TAOK3: variants seen among roughly 807,000 people sequenced by gnomAD.
The protein encoded by TAOK3 is TAO kinase 3, also known as serine/threonine-protein kinase TAO3.
TAOK3 carries 40 observed loss-of-function variants against 120.4 expected under a neutral mutation model. That is an observed-to-expected ratio of 0.33 (90% confidence interval 0.26 to 0.43). The LOEUF is 0.43. Ranked by LOEUF, TAOK3 falls within the 20% of genes least tolerant of loss-of-function variation. The pLI, the probability that TAOK3 is intolerant of heterozygous loss-of-function variation, is 1.00. For synonymous variants in TAOK3, 355 were observed against 387.5 expected, an observed-to-expected ratio of 0.92 and a Z score of 0.99; for missense variants, 821 against 1,112.1, an observed-to-expected ratio of 0.74 and a Z score of 3.72.
chr12:118,339,824 G>A (rs1323922522), intron 1 of TAOK3, among the ~76,000 whole-genome samples: 1 of 152,024 alleles, frequency 6.6e-6, no homozygotes, highest in Non-Finnish European at 1.5e-5. Flanking sequence ...GTGAGCCACC[G>A]CGCCCGGCTT....
At chr12:118,169,154 C>T (rs1014667953) in intron 17 of TAOK3, among the ~76,000 whole-genome samples, 3 of 152,130 alleles carry the variant, frequency 2.0e-5, no homozygotes, top group African/African-American at 4.8e-5. Flanking sequence ...GCTGGGATTA[C>T]AGGCACCCAC....
intron 1 of TAOK3, among the ~76,000 whole-genome samples, chr12:118,366,030 T>C (rs2045732200): frequency 6.6e-6 from 1 of 152,138 alleles, no homozygotes; most frequent in African/African-American, 2.4e-5. Flanking sequence ...TTTGGGAGGC[T>C]GAAGCAGGCG....
At chr12:118,158,800 C>G (rs2035013723) in intron 19 of TAOK3, among the ~76,000 whole-genome samples, 1 of 152,176 alleles carries the variant, frequency 6.6e-6, no homozygotes, top group Admixed American at 6.5e-5. Flanking sequence ...CATTCAAACT[C>G]CTGGCTTCTG....
At chr12:118,209,981 T>G (rs77120579) in intron 11 of TAOK3, among the ~76,000 whole-genome samples, 8,135 of 152,210 alleles carry the variant, frequency 0.053, 424 homozygotes, top group East Asian at 0.23. Flanking sequence ...GGATTACAGG[T>G]GTAAGGCACT....
At chr12:118,198,552 AT>A in intron 13 of TAOK3, 1 of 166,752 alleles carries the variant, frequency 6.0e-6, no homozygotes, top group Non-Finnish European at 1.3e-5. Flanking sequence ...AGGCCCGGCT[AT>A]TTTTTGTATT....
intron 13 of TAOK3, among the ~76,000 whole-genome samples, chr12:118,197,745 T>C (rs1288098351): frequency 7.2e-6 from 1 of 139,638 alleles, no homozygotes; most frequent in Non-Finnish European, 1.5e-5. Flanking sequence ...TGGAGTGCAG[T>C]GGCGCAATCC....
At chr12:118,221,470 A>T (rs2039227471) in intron 9 of TAOK3, among the ~76,000 whole-genome samples, 1 of 151,968 alleles carries the variant, frequency 6.6e-6, no homozygotes, top group African/African-American at 2.4e-5. Context: ...CAGGTGAACC[A>T]CCTGCCTCGG....
At chr12:118,261,767 A>G (rs1291525902) in intron 2 of TAOK3, 1 of 152,248 alleles carries the variant, frequency 6.6e-6, no homozygotes, top group African/African-American at 2.4e-5. Context: ...CAACATAATC[A>G]TTGTCAAAAA....
chr12:118,369,635 C>T (rs1397345385), intron 1 of TAOK3, among the ~76,000 whole-genome samples: 2 of 152,108 alleles, frequency 1.3e-5, no homozygotes, highest in African/African-American at 4.8e-5. Context: ...TTCCACAGGC[C>T]ATTTCATACA....
intron 14 of TAOK3, among the ~76,000 whole-genome samples, chr12:118,188,954 G>A (rs979118052): frequency 2.3e-4 from 35 of 152,182 alleles, no homozygotes; most frequent in African/African-American, 7.5e-4. Flanking sequence ...GAGTGTGAGC[G>A]CGCACGCGCA....
chr12:118,329,344 C>T (rs1294164247), intron 1 of TAOK3, among the ~76,000 whole-genome samples: 2 of 152,188 alleles, frequency 1.3e-5, no homozygotes, highest in Non-Finnish European at 1.5e-5. Flanking sequence ...CATGAGAACA[C>T]ACCAGGATTT....
chr12:118,261,068 G>A (rs561926377), intron 2 of TAOK3, among the ~76,000 whole-genome samples: 21 of 152,000 alleles, frequency 1.4e-4, no homozygotes, highest in South Asian at 1.0e-3. Flanking sequence ...AGACTTTGCC[G>A]AAAAAGGGGT....
Position 118,332,975 on chromosome 12 carries a change from A to AACACACACAC in TAOK3, c.-194+39663_-194+39672dup, listed in dbSNP as rs146893418. On this transcript the variant is annotated intron_variant, in intron 1 of 20. Coordinates refer to ENST00000392533, the MANE Select transcript of TAOK3 (RefSeq NM_016281.4). ...TGTACATGCACCAAACAACAGTTTC[A>AACACACACAC]ACACACACACACACACACACAGATA... Among the ~76,000 whole-genome samples, 1,349 of 149,738 alleles carry AACACACACAC rather than the reference A, an allele frequency of 9.0e-3. 20 individuals are homozygous for AACACACACAC. The highest frequency in any genetic ancestry group is 0.023 in the African/African-American group (936 of 40,586).
At chr12:118,256,660 T>C (rs2041000540) in intron 2 of TAOK3, among the ~76,000 whole-genome samples, 1 of 152,208 alleles carries the variant, frequency 6.6e-6, no homozygotes, top group Non-Finnish European at 1.5e-5. Flanking sequence ...CAAAAGACCA[T>C]ATATTGTATG....
chr12:118,184,919 C>A (rs945744250), intron 14 of TAOK3, among the ~76,000 whole-genome samples: 2 of 152,132 alleles, frequency 1.3e-5, no homozygotes, highest in Non-Finnish European at 2.9e-5. Context: ...TCCTCAGGGT[C>A]AGAGGACTTT....
intron 14 of TAOK3, among the ~76,000 whole-genome samples, chr12:118,181,969 G>T (rs2036755169): frequency 1.3e-5 from 2 of 152,204 alleles, no homozygotes; most frequent in Admixed American, 1.3e-4. Flanking sequence ...CAGACCACTT[G>T]AGGTCAGGAG....
rs541846376 is a variant in TAOK3 at position 118,316,336 on chromosome 12, T to A, written c.-193-49577A>T. Among the ~76,000 whole-genome samples the A allele has an allele frequency of 2.0e-5, 3 of 152,300 alleles. No homozygotes were observed. The East Asian group carries it at 5.8e-4, about 29-fold the overall frequency. On this transcript the variant is annotated intron_variant, in intron 1 of 20. Transcript: ENST00000392533. Reference sequence around the variant, plus strand: ...TTACATACTGTCCTACTGAAAGAGCTCCTACTCATTTGGCATACATTATTT... The same window carrying A: ...TTACATACTGTCCTACTGAAAGAGCACCTACTCATTTGGCATACATTATTT...
chr12:118,207,804 G>C (rs1422833974), intron 11 of TAOK3, among the ~76,000 whole-genome samples: 1 of 151,486 alleles, frequency 6.6e-6, no homozygotes, highest in African/African-American at 2.4e-5. Context: ...AGGTTGCAGT[G>C]AGACGAGATC....
intron 1 of TAOK3, among the ~76,000 whole-genome samples, chr12:118,272,391 C>T (rs928113246): frequency 1.3e-5 from 2 of 151,168 alleles, no homozygotes; most frequent in Non-Finnish European, 2.9e-5. Flanking sequence ...CCAGAAACTT[C>T]AAGAAAGATG....
Sources: allele counts gnomAD v4.1 joint callset (sites outside exome capture counted in the v4.1 genomes callset), GRCh38; gene constraint gnomAD v4.1.1; transcripts MANE v1.5; gene names NCBI Gene and HGNC (gene_info 2026-07-23, HGNC 2026-07-21).